TIMP2: variants seen among roughly 807,000 people sequenced by gnomAD.
TIMP2 encodes the protein metalloproteinase inhibitor 2.
TIMP2 carries 5 observed loss-of-function variants against 24.3 expected under a neutral mutation model. The ratio of observed to expected loss-of-function variants is 0.21; its 90% CI spans 0.11 to 0.43. The LOEUF is 0.43. TIMP2 is among the 20% of genes least tolerant of loss of function. The pLI is 1.00. For missense variants in TIMP2, 221 were observed against 297.5 expected (o/e 0.74, Z 1.89); for synonymous variants, 130 against 123.2 (o/e 1.06, Z -0.37).
chr17:78,894,856 G>A (rs1304771111), intron 1 of TIMP2, among the ~76,000 whole-genome samples: 3 of 151,994 alleles, frequency 2.0e-5, no homozygotes, highest in Non-Finnish European at 4.4e-5. Flanking sequence ...GGTACCATAA[G>A]TAAAGTGAAA....
At chr17:78,876,003 T>G (rs1531795) in intron 1 of TIMP2, among the ~76,000 whole-genome samples, 141,410 of 152,248 alleles carry the variant, frequency 0.93, 65,759 homozygotes, top group African/African-American at 0.95. Context: ...GGCTAATCCA[T>G]GCCTCATCCT....
chr17:78,905,248 C>T (rs2070148393), intron 1 of TIMP2, among the ~76,000 whole-genome samples: 1 of 152,180 alleles, frequency 6.6e-6, no homozygotes, highest in Non-Finnish European at 1.5e-5. Context: ...GTGGCCACCC[C>T]GCTTCTCAGG....
At chr17:78,917,671 C>T (rs765394437) in intron 1 of TIMP2, among the ~76,000 whole-genome samples, 4 of 152,164 alleles carry the variant, frequency 2.6e-5, no homozygotes, top group Admixed American at 6.5e-5. Context: ...CTACCAAGGA[C>T]GTCTTCCCCA....
In TIMP2 at chr17:78,870,432, AG is replaced by A. The variant is rs201027544; in HGVS notation, c.340+465del. Among the ~76,000 whole-genome samples, 28 of 130,860 alleles carry A rather than the reference AG, an allele frequency of 2.1e-4. 2 individuals carry two copies. Among genetic ancestry groups the A allele is most frequent in the East Asian group, 4.0e-4 (2 of 5,002 alleles). The allele number at this position is 130,860 out of a possible 152,430, so 85.8% of individuals were successfully genotyped here. ...CTCTGTCTCAAAAAAAAAGAAAGAA[AG>A]AAAGAAAGAAAGAAAGAAAATGGTT... On this transcript the variant is annotated intron_variant, in intron 3 of 4. Transcript: ENST00000262768.
intron 3 of TIMP2, among the ~76,000 whole-genome samples, chr17:78,864,833 C>T (rs1017603289): frequency 1.3e-5 from 2 of 152,078 alleles, no homozygotes; most frequent in African/African-American, 4.8e-5. Flanking sequence ...AGGCGGATCA[C>T]CTGAGGTCAG....
In TIMP2 at chr17:78,855,935, G is replaced by T; in HGVS notation, c.466-71C>A. 2 of 1,499,380 alleles carry T rather than the reference G, an allele frequency of 1.3e-6. No individual in the cohort carries two copies. The highest frequency in any genetic ancestry group is 2.3e-5 in the South Asian group (2 of 88,498). The allele number at this position is 1,499,380 out of a possible 1,614,324, so 92.9% of individuals were successfully genotyped here. A position where few individuals can be genotyped will look rare whatever the true frequency, so the allele number is the denominator to read the frequency against. The stretch of plus-strand genomic sequence containing the variant: ...GGGGTGGGCAGAGGCTGCTCTGGGG[G>T]CATGTCCAGAACCCGGCAATGTGCC... On this transcript the variant is annotated intron_variant, in intron 4 of 4. Transcript: ENST00000262768. This position sits in a 1 kb window ranked among gnomAD's most constrained non-coding sequence, Gnocchi z 6.0.
At chr17:78,914,309 C>T (rs8065768) in intron 1 of TIMP2, among the ~76,000 whole-genome samples, 70,632 of 147,518 alleles carry the variant, frequency 0.48, 16,630 homozygotes, top group Middle Eastern at 0.52. Context: ...GATGGAGTCT[C>T]GCTCTGTCTC....
chr17:78,923,475 C>T (rs2070324758), intron 1 of TIMP2, among the ~76,000 whole-genome samples: 1 of 151,920 alleles, frequency 6.6e-6, no homozygotes, highest in Non-Finnish European at 1.5e-5. Flanking sequence ...TATCCACAGC[C>T]TCCTTCTGGG....
chr17:78,872,292 A>G (rs1473469911), intron 2 of TIMP2, among the ~76,000 whole-genome samples: 4 of 151,958 alleles, frequency 2.6e-5, no homozygotes, highest in South Asian at 4.1e-4. Flanking sequence ...CACCCAACCT[A>G]TATTTCCAGG....
intron 1 of TIMP2, chr17:78,904,600 C>G (rs2070140566): frequency 6.6e-6 from 1 of 152,246 alleles, no homozygotes; most frequent in Admixed American, 6.5e-5. Flanking sequence ...CCTACCCCCG[C>G]CCACTTTTGG....
At chr17:78,893,288 AGGGTGTGTGTGCAG>A (rs2069939371) in intron 1 of TIMP2, among the ~76,000 whole-genome samples, 1 of 53,470 alleles carries the variant, frequency 1.9e-5, no homozygotes, top group Non-Finnish European at 3.7e-5. Context: ...TGTGCGGGCA[AGGGTGTGTGTGCAG>A]GGGTGTATGT....
chr17:78,905,457 T>C (rs1349405304), intron 1 of TIMP2, among the ~76,000 whole-genome samples: 2 of 152,254 alleles, frequency 1.3e-5, no homozygotes, highest in Non-Finnish European at 2.9e-5. Context: ...AAATCTTCTA[T>C]ATGCTTCTTC....
chr17:78,881,320 GC>G (rs1201380974), intron 1 of TIMP2, among the ~76,000 whole-genome samples: 3 of 152,218 alleles, frequency 2.0e-5, no homozygotes, highest in Non-Finnish European at 2.9e-5. Context: ...AGCGGAGAAC[GC>G]CAAGGGGTCC....
At position 78,891,333 on chromosome 17, in the gene TIMP2, T is replaced by C. The variant is rs1478449106; in HGVS notation, c.131-17414A>G. On this transcript the variant is annotated intron_variant, in intron 1 of 4. Transcript: ENST00000262768. The surrounding 1 kb of genome is among the most constrained non-coding windows in gnomAD (Gnocchi z 4.5). ...TCTGGGTCTGCCATTTTCTTCCCTC[T>C]TGGGGTCCCAGCGCCACACTCTTGC... 26 of 1,550,168 alleles carry C rather than the reference T, an allele frequency of 1.7e-5. No homozygotes were observed. The highest frequency in any genetic ancestry group is 2.4e-5 in the East Asian group (1 of 40,924).
chr17:78,913,088 A>G lies in TIMP2; in HGVS notation c.130+11871T>C, dbSNP rs1469404735. 3.3e-5 allele frequency among the ~76,000 whole-genome samples: 5 copies of G among 152,130 alleles called. No individual in the cohort carries two copies. The South Asian group carries it at 8.3e-4, about 25-fold the overall frequency. ...GGTGTGGTGGCAAAAAGAAAAAAAA[A>G]TATTTACAACAACAGGCCATCAGCC... On this transcript the variant is annotated intron_variant, in intron 1 of 4. Transcript: ENST00000262768.
chr17:78,893,976 T>A (rs2069959349), intron 1 of TIMP2, among the ~76,000 whole-genome samples: 2 of 152,160 alleles, frequency 1.3e-5, no homozygotes, highest in African/African-American at 4.8e-5. Flanking sequence ...GGAGTCCCCC[T>A]CCACTGCTCC....
intron 3 of TIMP2, among the ~76,000 whole-genome samples, chr17:78,868,617 G>A (rs1307670555): frequency 6.6e-6 from 1 of 152,142 alleles, no homozygotes; most frequent in Non-Finnish European, 1.5e-5. Context: ...GGGGAATAAT[G>A]TTCCTTAACT....
chr17:78,905,685 G>A (rs1280144111), intron 1 of TIMP2, among the ~76,000 whole-genome samples: 1 of 152,212 alleles, frequency 6.6e-6, no homozygotes, highest in East Asian at 1.9e-4. Context: ...GGGCTCTCCT[G>A]ACGCTGCCTT....
rs77651463 is a variant in TIMP2 at position 78,872,718 on chromosome 17, G to A, written c.231+1101C>T. 5.2e-3 allele frequency among the ~76,000 whole-genome samples: 796 copies of A among 152,194 alleles called. 20 individuals are homozygous for A. The East Asian group carries it at 0.062, about 12-fold the overall frequency. On this transcript the variant is annotated intron_variant, in intron 2 of 4. Coordinates refer to ENST00000262768, the MANE Select transcript of TIMP2 (RefSeq NM_003255.5). ...AAGAGCAGATCCTCTTTCCTGCTTCGTAAAGAAAGAGACTCAGGCACTGAG... is the reference window on the plus strand; with the variant it reads ...AAGAGCAGATCCTCTTTCCTGCTTCATAAAGAAAGAGACTCAGGCACTGAG...
Sources: allele counts gnomAD v4.1 joint callset (sites outside exome capture counted in the v4.1 genomes callset), GRCh38; gene constraint gnomAD v4.1.1; non-coding constraint Gnocchi (gnomAD v3.1); transcripts MANE v1.5; gene names NCBI Gene and HGNC (gene_info 2026-07-23, HGNC 2026-07-21).